The following OXR1 variants were observed in gnomAD, a reference collection of about 807,000 sequenced individuals.
OXR1 encodes the protein oxidation resistance protein 1.
Under a neutral mutation model 104.6 loss-of-function variants are expected in OXR1, and 41 were observed. The observed-to-expected ratio is 0.39, with a 90% CI of 0.31 to 0.51. The LOEUF is 0.51. Among genes scored for constraint, OXR1 ranks in the 20% least tolerant of loss-of-function variants. The probability of loss-of-function intolerance (pLI) is 0.77; values close to 1 mark genes in which losing one functional copy is unlikely to be tolerated. For synonymous variants in OXR1, 348 were observed against 348.4 expected, an observed-to-expected ratio of 1.00 and a Z score of 0.01; for missense variants, 955 against 1,031.9, an observed-to-expected ratio of 0.93 and a Z score of 1.02.
At chr8:106,443,778 C>T (rs993405045) in intron 2 of OXR1, among the ~76,000 whole-genome samples, 1 of 152,074 alleles carries the variant, frequency 6.6e-6, no homozygotes, top group Non-Finnish European at 1.5e-5. Context: ...AGGACATAGG[C>T]ATGGGCAAAG....
At chr8:106,298,764 C>G (rs1484571127) in intron 1 of OXR1, among the ~76,000 whole-genome samples, 2 of 151,680 alleles carry the variant, frequency 1.3e-5, no homozygotes, top group East Asian at 3.9e-4. Context: ...AACAAATAAA[C>G]AAACAAACAA....
At chr8:106,476,724 G>A (rs1000856777) in intron 2 of OXR1, among the ~76,000 whole-genome samples, 1 of 151,912 alleles carries the variant, frequency 6.6e-6, no homozygotes, top group Non-Finnish European at 1.5e-5. Flanking sequence ...TGTTTCTCCT[G>A]TTGTCCTGAC....
intron 7 of OXR1, among the ~76,000 whole-genome samples, chr8:106,701,957 C>CTATT (rs1217292916): frequency 6.6e-6 from 1 of 152,060 alleles, no homozygotes; most frequent in East Asian, 1.9e-4. Flanking sequence ...ATTTGTATCA[C>CTATT]TATTTATTTA....
At chr8:106,479,483 C>T (rs905777698) in intron 2 of OXR1, among the ~76,000 whole-genome samples, 16 of 152,108 alleles carry the variant, frequency 1.1e-4, no homozygotes, top group Admixed American at 3.9e-4. Flanking sequence ...ACTAAATTCA[C>T]TTACACTGTT....
At chr8:106,403,690 C>T (rs1051643369) in intron 2 of OXR1, among the ~76,000 whole-genome samples, 14 of 152,180 alleles carry the variant, frequency 9.2e-5, no homozygotes, top group African/African-American at 3.4e-4. Flanking sequence ...TGTTGACCAC[C>T]TTTTGGTTCA....
At chr8:106,699,887 A>G (rs1830435510) in intron 7 of OXR1, among the ~76,000 whole-genome samples, 1 of 152,248 alleles carries the variant, frequency 6.6e-6, no homozygotes, top group Non-Finnish European at 1.5e-5. Context: ...AACAATAACT[A>G]TAATGGCTAA....
intron 3 of OXR1, among the ~76,000 whole-genome samples, chr8:106,676,690 G>C (rs763136876): frequency 1.3e-5 from 2 of 152,006 alleles, no homozygotes; most frequent in Non-Finnish European, 2.9e-5. Context: ...CTTTGTAGGT[G>C]ACCTGGCCTT....
intron 8 of OXR1, among the ~76,000 whole-genome samples, chr8:106,703,829 A>T (rs566075238): frequency 1.3e-5 from 2 of 152,170 alleles, no homozygotes; most frequent in African/African-American, 2.4e-5. Context: ...AAGGAAATTG[A>T]TATGTACTAG....
intron 2 of OXR1, among the ~76,000 whole-genome samples, chr8:106,362,407 C>T (rs1816285613): frequency 6.6e-6 from 1 of 152,094 alleles, no homozygotes. Context: ...TTACAAATAC[C>T]TAAGCAATTC....
At chr8:106,312,490 G>A (rs1813747976) in intron 1 of OXR1, among the ~76,000 whole-genome samples, 1 of 152,170 alleles carries the variant, frequency 6.6e-6, no homozygotes, top group Non-Finnish European at 1.5e-5. Flanking sequence ...TAATTACAGA[G>A]ATAGGCTAGT....
chr8:106,620,127 G>T (rs970245495), intron 3 of OXR1, among the ~76,000 whole-genome samples: 6 of 152,062 alleles, frequency 3.9e-5, no homozygotes, highest in African/African-American at 1.4e-4. Context: ...CCCATCCATA[G>T]GCACTTAATA....
At chr8:106,469,898 A>G (rs1459898940) in intron 2 of OXR1, among the ~76,000 whole-genome samples, 2 of 151,838 alleles carry the variant, frequency 1.3e-5, no homozygotes, top group Non-Finnish European at 2.9e-5. Flanking sequence ...GCAAAGGTGC[A>G]AATGAAGTGA....
intron 1 of OXR1, among the ~76,000 whole-genome samples, chr8:106,313,823 A>C (rs1813817038): frequency 6.6e-6 from 1 of 152,224 alleles, no homozygotes; most frequent in Non-Finnish European, 1.5e-5. Context: ...TCAACATTGA[A>C]TTAGTTGAAA....
chr8:106,320,328 A>G (rs1373017835), intron 1 of OXR1, among the ~76,000 whole-genome samples: 1 of 152,112 alleles, frequency 6.6e-6, no homozygotes, highest in South Asian at 2.1e-4. Flanking sequence ...CTTGTCGTAG[A>G]CTTAGGTTTC....
At chr8:106,341,390 C>T (rs200520558) in intron 1 of OXR1, among the ~76,000 whole-genome samples, 14 of 145,934 alleles carry the variant, frequency 9.6e-5, no homozygotes, top group African/African-American at 2.0e-4. Flanking sequence ...AGTCAATCTA[C>T]ATATATATAT....
rs115769820 is a variant in OXR1 at position 106,451,482 on chromosome 8, A to G, written c.24-67461A>G. ...GCTTTGCCATTTTAAGCAATTTTGT[A>G]TATACATAATCATTCACTTGGAAGC... On this transcript the variant is annotated intron_variant, in intron 2 of 16. Coordinates refer to ENST00000517566, the MANE Select transcript of OXR1 (RefSeq NM_001198533.2). Among the ~76,000 whole-genome samples, 1,063 of 152,314 alleles carry G rather than the reference A, an allele frequency of 7.0e-3. 11 individuals are homozygous for G. Among genetic ancestry groups the G allele is most frequent in the Middle Eastern group, 0.031 (9 of 294 alleles).
chr8:106,631,463 A>G (rs1822680095), intron 3 of OXR1, among the ~76,000 whole-genome samples: 1 of 152,150 alleles, frequency 6.6e-6, no homozygotes, highest in Non-Finnish European at 1.5e-5. Flanking sequence ...TTCACCCTTC[A>G]ACTGTTTAAG....
At chr8:106,697,881 C>T in intron 7 of OXR1, 1 of 1,612,346 alleles carries the variant, frequency 6.2e-7, no homozygotes, top group Non-Finnish European at 8.5e-7. Flanking sequence ...CAGGCTGGGA[C>T]CGGCCCACAT....
At position 106,389,641 on chromosome 8, in the gene OXR1, G is replaced by A. The variant is rs188839296; in HGVS notation, c.23+30005G>A. On this transcript the variant is annotated intron_variant, in intron 2 of 16. Coordinates refer to ENST00000517566, the MANE Select transcript of OXR1 (RefSeq NM_001198533.2). Reference sequence around the variant, plus strand: ...TAAAGAACTGAGCTTACCTCCCAAAGAGAAGTATAAATTCAACCTCAATAA... The same window carrying A: ...TAAAGAACTGAGCTTACCTCCCAAAAAGAAGTATAAATTCAACCTCAATAA... Among the ~76,000 whole-genome samples the A allele has an allele frequency of 1.8e-4, 28 of 152,290 alleles. No individual in the cohort carries two copies. The East Asian group carries it at 5.4e-3, about 29-fold the overall frequency.
Sources: allele counts gnomAD v4.1 joint callset (sites outside exome capture counted in the v4.1 genomes callset), GRCh38; gene constraint gnomAD v4.1.1; transcripts MANE v1.5; gene names NCBI Gene and HGNC (gene_info 2026-07-23, HGNC 2026-07-21).